Variants in ZNF148 observed in about 807,000 individuals in gnomAD.
The protein encoded by ZNF148 is zinc finger protein 148.
ZNF148 carries 7 observed loss-of-function variants against 67.7 expected under a neutral mutation model. The observed-to-expected ratio is 0.10, with a 90% CI of 0.06 to 0.19. The LOEUF (loss-of-function observed/expected upper bound fraction) is 0.19, where lower values mean the gene tolerates loss of function less well. Among genes scored for constraint, ZNF148 ranks in the 10% least tolerant of loss-of-function variants. ZNF148 has a pLI of 1.00. For synonymous variants in ZNF148, 333 were observed against 330.7 expected, an observed-to-expected ratio of 1.01 and a Z score of -0.08; for missense variants, 583 against 947.1, an observed-to-expected ratio of 0.62 and a Z score of 5.05.
chr3:125,338,844 C>T (rs553927645), intron 1 of ZNF148: 1 of 152,272 alleles, frequency 6.6e-6, no homozygotes, highest in East Asian at 1.9e-4. Context: ...CAGAACCAAT[C>T]CGATCTACTC....
chr3:125,262,310 A>G (rs1247031030), intron 7 of ZNF148, among the ~76,000 whole-genome samples: 1 of 152,240 alleles, frequency 6.6e-6, no homozygotes, highest in Non-Finnish European at 1.5e-5. Context: ...GAGTAGGCAG[A>G]GTTGCACAAT....
intron 7 of ZNF148, among the ~76,000 whole-genome samples, chr3:125,257,273 C>T (rs987142627): frequency 4.6e-5 from 7 of 152,000 alleles, no homozygotes; most frequent in South Asian, 4.2e-4. Context: ...TAGGTTTGGC[C>T]GGGCACGGTG....
intron 1 of ZNF148, among the ~76,000 whole-genome samples, chr3:125,350,869 A>G (rs1322604832): frequency 6.6e-6 from 1 of 152,252 alleles, no homozygotes; most frequent in Non-Finnish European, 1.5e-5. Context: ...TTAAAGAAGG[A>G]AATTCTATAA....
intron 7 of ZNF148, among the ~76,000 whole-genome samples, chr3:125,267,374 G>T (rs1282981075): frequency 2.0e-5 from 3 of 151,978 alleles, no homozygotes; most frequent in Non-Finnish European, 2.9e-5. Flanking sequence ...AATTCAGTTT[G>T]ATCAAGTATG....
intron 4 of ZNF148, among the ~76,000 whole-genome samples, chr3:125,290,137 A>T (rs1938927723): frequency 6.6e-6 from 1 of 152,120 alleles, no homozygotes; most frequent in Admixed American, 6.5e-5. Context: ...TCATCCACTG[A>T]GTCAGTCTCC....
chr3:125,346,555 CAT>C (rs556355547), intron 1 of ZNF148, among the ~76,000 whole-genome samples: 90 of 152,322 alleles, frequency 5.9e-4, no homozygotes, highest in African/African-American at 2.1e-3. Flanking sequence ...GTAATCCCCA[CAT>C]GTCAAGGGAG....
chr3:125,355,951 T>C (rs1001776095), intron 1 of ZNF148, among the ~76,000 whole-genome samples: 2 of 152,220 alleles, frequency 1.3e-5, no homozygotes, highest in African/African-American at 4.8e-5. Context: ...GACATTAACT[T>C]AATTCCTCTT....
chr3:125,372,047 G>A (rs1942908400), intron 1 of ZNF148, among the ~76,000 whole-genome samples: 1 of 133,758 alleles, frequency 7.5e-6, no homozygotes, highest in Non-Finnish European at 1.5e-5. Flanking sequence ...CTGGGTGACA[G>A]AGCGAGACTC....
chr3:125,314,441 T>G (rs1190605815), intron 3 of ZNF148, among the ~76,000 whole-genome samples: 1 of 152,220 alleles, frequency 6.6e-6, no homozygotes, highest in Non-Finnish European at 1.5e-5. Context: ...GTTTAGTCAC[T>G]TCTTTCCCAA....
rs980920772 is a variant in ZNF148, at chr3:125,279,060, G to A, written c.583+64C>T. The A allele has an allele frequency of 1.1e-5, 16 of 1,469,126 alleles. No homozygotes were observed. In the African/African-American group the frequency reaches 1.7e-4, roughly 16 times the overall value. 91.0% of individuals were successfully genotyped at this position (1,469,126 alleles called of 1,614,324 possible). ...TCTTAGGAATGAATGACAGTTACAC[G>A]AAGATGAAAATAACAAAGATAATAA... On this transcript the variant is annotated intron_variant, in intron 6 of 8. Coordinates refer to ENST00000360647, the MANE Select transcript of ZNF148 (RefSeq NM_021964.3).
chr3:125,321,942 T>C (rs1940792290), intron 3 of ZNF148, among the ~76,000 whole-genome samples: 2 of 151,786 alleles, frequency 1.3e-5, no homozygotes, highest in Admixed American at 1.3e-4. Flanking sequence ...AGATTGCTAA[T>C]GGTTATTTTT....
In ZNF148 at chr3:125,226,585, G is replaced by C. The variant is rs940043169; in HGVS notation, c.*5756C>G. 1.1e-4 allele frequency: 17 copies of C among 152,496 alleles called. No homozygotes were observed. Among genetic ancestry groups the C allele is most frequent in the African/African-American group, 3.6e-4 (15 of 41,408 alleles). 9.4% of individuals were successfully genotyped at this position (152,496 alleles called of 1,614,324 possible). On this transcript the variant is annotated 3_prime_UTR_variant, in exon 9 of 9. Transcript: ENST00000360647. ...AACTCATTAAACCTCTTATCAATAGGTCAGTTTAAAGAACATCTCTATGTT... is the reference window on the plus strand; with the variant it reads ...AACTCATTAAACCTCTTATCAATAGCTCAGTTTAAAGAACATCTCTATGTT...
At chr3:125,365,144 G>A (rs543574188) in intron 1 of ZNF148, among the ~76,000 whole-genome samples, 13 of 152,256 alleles carry the variant, frequency 8.5e-5, no homozygotes, top group South Asian at 8.3e-4. Flanking sequence ...TGAAGAACAC[G>A]GACTGTGTCA....
chr3:125,246,868 T>C (rs1936623050), intron 7 of ZNF148, among the ~76,000 whole-genome samples: 1 of 152,200 alleles, frequency 6.6e-6, no homozygotes, highest in Non-Finnish European at 1.5e-5. Flanking sequence ...TAATTTTCCT[T>C]AAAACTTTAG....
chr3:125,327,935 A>G (rs1212869933), intron 2 of ZNF148, among the ~76,000 whole-genome samples: 12 of 152,130 alleles, frequency 7.9e-5, no homozygotes. Flanking sequence ...AATGTAACTG[A>G]TTCAAATACT....
intron 7 of ZNF148, among the ~76,000 whole-genome samples, chr3:125,243,997 A>G (rs1936480785): frequency 6.6e-6 from 1 of 152,226 alleles, no homozygotes; most frequent in Non-Finnish European, 1.5e-5. Context: ...ACAGCACTTG[A>G]GTGATTTCAA....
Position 125,232,263 on chromosome 3 carries a change from C to G in ZNF148, c.*78G>C. The stretch of plus-strand genomic sequence containing the variant: ...GCATTGCTCTTAAATCTGTACAGCA[C>G]TCCATTTACACAGAGTAACCCCACT... On this transcript the variant is annotated 3_prime_UTR_variant, in exon 9 of 9. Transcript: ENST00000360647. The surrounding 1 kb of genome is among the most constrained non-coding windows in gnomAD (Gnocchi z 4.2). 1 of 1,464,008 alleles carries G rather than the reference C, an allele frequency of 6.8e-7. No individual in the cohort carries two copies. Among genetic ancestry groups the G allele is most frequent in the South Asian group, 1.4e-5 (1 of 72,198 alleles). The allele number at this position is 1,464,008 out of a possible 1,614,324, so 90.7% of individuals were successfully genotyped here.
At chr3:125,345,947 C>T (rs956929638) in intron 1 of ZNF148, among the ~76,000 whole-genome samples, 1 of 152,076 alleles carries the variant, frequency 6.6e-6, no homozygotes, top group Non-Finnish European at 1.5e-5. Flanking sequence ...AAACTCTTCC[C>T]AAAACTTGGG....
At chr3:125,351,850 T>G (rs1942164418) in intron 1 of ZNF148, among the ~76,000 whole-genome samples, 1 of 152,170 alleles carries the variant, frequency 6.6e-6, no homozygotes, top group African/African-American at 2.4e-5. Context: ...GAAATACTGC[T>G]TCACACCCAC....
Sources: gnomAD v4.1 joint callset for allele counts (sites outside exome capture counted in the v4.1 genomes callset) on GRCh38, gnomAD v4.1.1 for gene constraint, Gnocchi (gnomAD v3.1) non-coding constraint, MANE v1.5 for transcripts, NCBI Gene and HGNC (gene_info 2026-07-23, HGNC 2026-07-21) for gene names.